ST6GALNAC3: variants seen among roughly 807,000 people sequenced by gnomAD.
ST6GALNAC3 encodes alpha-N-acetylgalactosaminide alpha-2,6-sialyltransferase 3.
In ST6GALNAC3, 25 loss-of-function variants were observed where a neutral mutation model predicts 32.7. That is an observed-to-expected ratio of 0.76 (90% CI 0.56 to 1.07). The LOEUF (loss-of-function observed/expected upper bound fraction) is 1.07, where lower values mean the gene tolerates loss of function less well. ST6GALNAC3 is among the 50% of genes least tolerant of loss of function. The probability of loss-of-function intolerance (pLI) is 0.00; values close to 1 mark genes in which losing one functional copy is unlikely to be tolerated. For missense variants in ST6GALNAC3, 355 were observed against 382.4 expected, an observed-to-expected ratio of 0.93 and a Z score of 0.60; for synonymous variants, 129 against 133.1, an observed-to-expected ratio of 0.97 and a Z score of 0.21.
At chr1:76,491,050 G>T (rs958088930) in intron 3 of ST6GALNAC3, among the ~76,000 whole-genome samples, 63 of 151,988 alleles carry the variant, frequency 4.1e-4, no homozygotes, top group African/African-American at 1.4e-3. Flanking sequence ...TAGAGATGGG[G>T]TTTCTCCAAG....
chr1:76,378,517 C>A (rs1054558449), intron 2 of ST6GALNAC3, among the ~76,000 whole-genome samples: 1 of 151,982 alleles, frequency 6.6e-6, no homozygotes, highest in Non-Finnish European at 1.5e-5. Context: ...CAAAAATTAG[C>A]TGAGCATGGT....
intron 1 of ST6GALNAC3, among the ~76,000 whole-genome samples, chr1:76,106,745 A>G (rs1180832650): frequency 2.0e-5 from 3 of 152,202 alleles, no homozygotes; most frequent in East Asian, 1.9e-4. Flanking sequence ...TGCAACAATA[A>G]CAACTAAAAA....
chr1:76,544,895 G>A (rs1044208129), intron 3 of ST6GALNAC3, among the ~76,000 whole-genome samples: 7 of 152,158 alleles, frequency 4.6e-5, no homozygotes, highest in Admixed American at 3.3e-4. Context: ...TTCCATGAAA[G>A]GGATCACATT....
intron 1 of ST6GALNAC3, among the ~76,000 whole-genome samples, chr1:76,303,333 T>A (rs939783250): frequency 6.6e-6 from 1 of 151,570 alleles, no homozygotes; most frequent in Non-Finnish European, 1.5e-5. Context: ...AAAAGTGGGG[T>A]TTTGCAAAGG....
intron 1 of ST6GALNAC3, among the ~76,000 whole-genome samples, chr1:76,156,108 T>C (rs1221832448): frequency 2.3e-5 from 2 of 87,768 alleles, no homozygotes; most frequent in African/African-American, 5.3e-5. Context: ...TTGTCTAAGG[T>C]TTTCTAATAA....
intron 1 of ST6GALNAC3, among the ~76,000 whole-genome samples, chr1:76,253,727 A>T (rs576032194): frequency 2.6e-5 from 4 of 152,282 alleles, no homozygotes; most frequent in African/African-American, 9.6e-5. Flanking sequence ...AAAATACTGT[A>T]AGGCAGGAAA....
intron 1 of ST6GALNAC3, among the ~76,000 whole-genome samples, chr1:76,158,421 A>G (rs1570245854): frequency 6.6e-6 from 1 of 152,162 alleles, no homozygotes; most frequent in Admixed American, 6.5e-5. Context: ...ACATGAAGGC[A>G]CCTTTATATC....
At chr1:76,556,687 T>A (rs1238396688) in intron 3 of ST6GALNAC3, among the ~76,000 whole-genome samples, 1 of 152,138 alleles carries the variant, frequency 6.6e-6, no homozygotes, top group African/African-American at 2.4e-5. Context: ...AAATGTTTCT[T>A]CAAATCGTTT....
intron 2 of ST6GALNAC3, among the ~76,000 whole-genome samples, chr1:76,314,906 A>C (rs1570792076): frequency 6.6e-6 from 1 of 152,122 alleles, no homozygotes; most frequent in Non-Finnish European, 1.5e-5. Flanking sequence ...AGAGTCATGC[A>C]TGGAATGCTA....
In ST6GALNAC3 at chr1:76,509,958, T is replaced by C. The variant is rs897430558; in HGVS notation, c.623+97541T>C. ...CAGGTTTCAAGTATTAGAGTGGGGA[T>C]ATCTTTAGGGAGCTATTATTCTATC... On this transcript the variant is annotated intron_variant, in intron 3 of 4. Transcript: ENST00000328299. This position sits in a 1 kb window ranked among gnomAD's most constrained non-coding sequence, Gnocchi z 5.5. Among the ~76,000 whole-genome samples the C allele has an allele frequency of 1.3e-5, 2 of 152,190 alleles. No individual in the cohort carries two copies. The highest frequency in any genetic ancestry group is 2.9e-5 in the Non-Finnish European group (2 of 68,042).
At chr1:76,124,756 G>A (rs1178400307) in intron 1 of ST6GALNAC3, among the ~76,000 whole-genome samples, 1 of 152,142 alleles carries the variant, frequency 6.6e-6, no homozygotes, top group South Asian at 2.1e-4. Context: ...TTTCTTCAGG[G>A]GTTTTTATTG....
chr1:76,370,979 T>G (rs145918063), intron 2 of ST6GALNAC3, among the ~76,000 whole-genome samples: 1 of 152,242 alleles, frequency 6.6e-6, no homozygotes, highest in African/African-American at 2.4e-5. Flanking sequence ...TTTTACTATT[T>G]GACACAAGTT....
chr1:76,237,381 G>A (rs1015690346), intron 1 of ST6GALNAC3, among the ~76,000 whole-genome samples: 3 of 152,152 alleles, frequency 2.0e-5, no homozygotes, highest in Non-Finnish European at 2.9e-5. Flanking sequence ...TGATTCACCC[G>A]CCTTGGCCTC....
chr1:76,363,612 TAGTC>T (rs1402930354), intron 2 of ST6GALNAC3, among the ~76,000 whole-genome samples: 1 of 152,202 alleles, frequency 6.6e-6, no homozygotes, highest in African/African-American at 2.4e-5. Flanking sequence ...TTTTATGTAT[TAGTC>T]AGTTCTTGTG....
chr1:76,174,247 C>T (rs1652706091), intron 1 of ST6GALNAC3, among the ~76,000 whole-genome samples: 1 of 152,102 alleles, frequency 6.6e-6, no homozygotes, highest in Admixed American at 6.5e-5. Context: ...TGTTCTCACT[C>T]ATAAGTGGGA....
chr1:76,226,943 A>G (rs559392851), intron 1 of ST6GALNAC3, among the ~76,000 whole-genome samples: 3 of 152,318 alleles, frequency 2.0e-5, no homozygotes, highest in African/African-American at 7.2e-5. Context: ...ATGAGAGAGT[A>G]ATTTCAGTTT....
intron 2 of ST6GALNAC3, among the ~76,000 whole-genome samples, chr1:76,348,358 C>T (rs1171112422): frequency 6.6e-6 from 1 of 152,176 alleles, no homozygotes; most frequent in East Asian, 1.9e-4. Flanking sequence ...GTAACTTGTA[C>T]ATTCTGATTT....
In ST6GALNAC3 at chr1:76,282,730, T is replaced by C. The variant is rs533087812; in HGVS notation, c.19-31075T>C. Among the ~76,000 whole-genome samples the C allele has an allele frequency of 2.8e-4, 43 of 152,252 alleles. 1 individual carries two copies. The South Asian group carries it at 8.7e-3, about 31-fold the overall frequency. ...TGGAGAACCCACTGTATAAAACCCA[T>C]AGAAGTGTACTTCCCCAGCCAGATG... On this transcript the variant is annotated intron_variant, in intron 1 of 4. Transcript: ENST00000328299.
chr1:76,100,911 A>G (rs1396015555), intron 1 of ST6GALNAC3, among the ~76,000 whole-genome samples: 2 of 151,960 alleles, frequency 1.3e-5, no homozygotes, highest in East Asian at 1.9e-4. Context: ...CAGAAGGTAC[A>G]GAGATAACCC....
Sources: gnomAD v4.1 joint callset for allele counts (sites outside exome capture counted in the v4.1 genomes callset) on GRCh38, gnomAD v4.1.1 for gene constraint, Gnocchi (gnomAD v3.1) non-coding constraint, MANE v1.5 for transcripts, NCBI Gene and HGNC (gene_info 2026-07-23, HGNC 2026-07-21) for gene names.